The following GSE1 variants were observed in gnomAD, a reference collection of about 807,000 sequenced individuals.
GSE1 encodes the protein genetic suppressor element 1.
GSE1 carries 32 observed loss-of-function variants against 112.6 expected under a neutral mutation model. That is an observed-to-expected ratio of 0.28 (90% confidence interval 0.21 to 0.38). GSE1 has a LOEUF of 0.38. Among genes scored for constraint, GSE1 ranks in the 10% least tolerant of loss-of-function variants. The probability of loss-of-function intolerance (pLI) is 1.00; values close to 1 mark genes in which losing one functional copy is unlikely to be tolerated. For missense variants in GSE1, 2,348 were observed against 1,699.2 expected (o/e 1.38, Z -6.71); for synonymous variants, 1,115 against 735.6 (o/e 1.52, Z -8.35).
At position 85,171,826 on chromosome 16, in the gene GSE1, C is replaced by A. The variant is rs1201867980; in HGVS notation, c.2283+19C>A. On this transcript the variant is annotated intron_variant, in intron 1 of 2. Transcript: ENST00000637419. ...GACGAAGGTAAGCAGCAGTTTTCATCTCATCTTAGACGCTTCCTCCAAAAT... is the reference window on the plus strand; with the variant it reads ...GACGAAGGTAAGCAGCAGTTTTCATATCATCTTAGACGCTTCCTCCAAAAT... The A allele has an allele frequency of 5.1e-6, 5 of 980,078 alleles. No individual in the cohort carries two copies. In the East Asian group the frequency reaches 4.5e-4, roughly 89 times the overall value. The allele number at this position is 980,078 out of a possible 1,614,324, so 60.7% of individuals were successfully genotyped here. A position where few individuals can be genotyped will look rare whatever the true frequency, so the allele number is the denominator to read the frequency against.
chr16:85,423,949 C>A (rs1001282994), intron 2 of GSE1, among the ~76,000 whole-genome samples: 4 of 152,134 alleles, frequency 2.6e-5, no homozygotes, highest in African/African-American at 9.7e-5. Flanking sequence ...GAAGGAGTGA[C>A]GTGAGGCCAC....
intron 2 of GSE1, among the ~76,000 whole-genome samples, chr16:85,456,054 G>C (rs1345967931): frequency 3.3e-5 from 5 of 152,234 alleles, no homozygotes; most frequent in Non-Finnish European, 7.3e-5. Context: ...GCTAGGATTT[G>C]AACTTGAGTG....
At chr16:85,629,626 A>C (rs1217594312) in intron 1 of GSE1, among the ~76,000 whole-genome samples, 1 of 152,174 alleles carries the variant, frequency 6.6e-6, no homozygotes, top group Non-Finnish European at 1.5e-5. Flanking sequence ...CTATCTGGGA[A>C]ATAGGCCCAG....
chr16:85,291,559 G>T (rs1375009321), intron 1 of GSE1, among the ~76,000 whole-genome samples: 1 of 152,202 alleles, frequency 6.6e-6, no homozygotes, highest in Non-Finnish European at 1.5e-5. Flanking sequence ...TCCCCACAGG[G>T]CTCAGGGCCG....
intron 1 of GSE1, among the ~76,000 whole-genome samples, chr16:85,275,051 T>C (rs1225268990): frequency 6.6e-6 from 1 of 152,182 alleles, no homozygotes; most frequent in Non-Finnish European, 1.5e-5. Context: ...CTGTCAGGTG[T>C]GAGGGGCCAT....
At chr16:85,429,734 G>A (rs57424857) in intron 2 of GSE1, among the ~76,000 whole-genome samples, 12,956 of 152,272 alleles carry the variant, frequency 0.085, 571 homozygotes, top group Middle Eastern at 0.12. Flanking sequence ...TGCCTGGAAC[G>A]CTGCTCCCAC....
In GSE1 at chr16:85,674,441, A is replaced by C. The variant is rs2053571027; in HGVS notation, c.*1902A>C. The C allele has an allele frequency of 6.6e-6, 1 of 152,152 alleles. No individual in the cohort carries two copies. Among genetic ancestry groups the C allele is most frequent in the African/African-American group, 2.4e-5 (1 of 41,406 alleles). The allele number at this position is 152,152 out of a possible 1,614,324, so 9.4% of individuals were successfully genotyped here. A position where few individuals can be genotyped will look rare whatever the true frequency, so the allele number is the denominator to read the frequency against. On this transcript the variant is annotated 3_prime_UTR_variant, in exon 16 of 16. Transcript: ENST00000253458. ...TGCTGCAGGCCTCCCCTCGAAAGAC[A>C]CTGGGAGGTCAGCATGTTCCACAGG... is the stretch of plus-strand genomic sequence containing the variant.
chr16:85,395,682 A>C (rs1040200192), intron 2 of GSE1, among the ~76,000 whole-genome samples: 7 of 151,866 alleles, frequency 4.6e-5, no homozygotes, highest in African/African-American at 1.7e-4. Context: ...ACCCTGAACA[A>C]ATGCTCCCTC....
intron 3 of GSE1, among the ~76,000 whole-genome samples, chr16:85,652,966 CG>C (rs2051501538): frequency 6.6e-6 from 1 of 151,648 alleles, no homozygotes; most frequent in Non-Finnish European, 1.5e-5. Context: ...GAGGAAGGGC[CG>C]GGTTCCCGTG....
chr16:85,622,211 G>C (rs1459189724), intron 1 of GSE1, among the ~76,000 whole-genome samples: 2 of 152,188 alleles, frequency 1.3e-5, no homozygotes, highest in African/African-American at 4.8e-5. Flanking sequence ...TGTTATGGGA[G>C]CTTTTCCTGG....
At chr16:85,194,079 T>C (rs2074880632) in intron 1 of GSE1, among the ~76,000 whole-genome samples, 1 of 152,208 alleles carries the variant, frequency 6.6e-6, no homozygotes, top group African/African-American at 2.4e-5. Context: ...GCGGCCAGTA[T>C]GTGGCAGAGC....
intron 2 of GSE1, among the ~76,000 whole-genome samples, chr16:85,453,260 C>T (rs1281901749): frequency 6.6e-6 from 1 of 152,152 alleles, no homozygotes; most frequent in African/African-American, 2.4e-5. Flanking sequence ...CACACGGTGG[C>T]TCGGGGACCC....
chr16:85,585,105 G>T (rs1032032155), intron 1 of GSE1, among the ~76,000 whole-genome samples: 14 of 152,212 alleles, frequency 9.2e-5, no homozygotes, highest in African/African-American at 3.1e-4. Flanking sequence ...AAAAAAAAAG[G>T]CGTGATCAGC....
chr16:85,558,358 ATCT>A (rs1352472426), intron 1 of GSE1, among the ~76,000 whole-genome samples: 2 of 152,194 alleles, frequency 1.3e-5, no homozygotes, highest in East Asian at 1.9e-4. Flanking sequence ...CCAAGAATGA[ATCT>A]TCTTAAGTAC....
chr16:85,448,857 A>C (rs1274157478), intron 2 of GSE1, among the ~76,000 whole-genome samples: 2 of 152,164 alleles, frequency 1.3e-5, no homozygotes, highest in African/African-American at 4.8e-5. Flanking sequence ...CCTCCTGGAG[A>C]AATCGGTAAT....
chr16:85,519,408 A>T (rs1477284084), intron 2 of GSE1, among the ~76,000 whole-genome samples: 11 of 39,546 alleles, frequency 2.8e-4, no homozygotes, highest in African/African-American at 1.3e-3. Flanking sequence ...CATCACTTTT[A>T]CCACCATCAC....
chr16:85,573,405 C>T (rs1374349687), intron 1 of GSE1, among the ~76,000 whole-genome samples: 1 of 152,150 alleles, frequency 6.6e-6, no homozygotes, highest in Non-Finnish European at 1.5e-5. Context: ...TTGGTTATTA[C>T]GAATAATGCT....
exon 1 of GSE1, chr16:85,171,200 C>T: frequency 1.0e-6 from 1 of 985,640 alleles, no homozygotes; most frequent in Non-Finnish European, 1.2e-6. Flanking sequence ...CTCATCACCT[C>T]CGTGCAGGGC....
intron 1 of GSE1, among the ~76,000 whole-genome samples, chr16:85,240,843 C>T (rs1905112727): frequency 1.3e-5 from 2 of 152,140 alleles, no homozygotes; most frequent in African/African-American, 4.8e-5. Flanking sequence ...ATTATGATTC[C>T]AGCACAGTCG....
Sources: gnomAD v4.1 joint callset for allele counts (sites outside exome capture counted in the v4.1 genomes callset) on GRCh38, gnomAD v4.1.1 for gene constraint, MANE v1.5 for transcripts, NCBI Gene and HGNC (gene_info 2026-07-23, HGNC 2026-07-21) for gene names.